The following EXPH5 variants were observed in gnomAD, a reference collection of about 807,000 sequenced individuals.
EXPH5 encodes exophilin-5.
In EXPH5, 42 loss-of-function variants were observed where a neutral mutation model predicts 41.1. The observed-to-expected ratio is 1.02, with a 90% confidence interval of 0.80 to 1.32. The LOEUF (loss-of-function observed/expected upper bound fraction) is 1.32, where lower values mean the gene tolerates loss of function less well. EXPH5 is among the 40% of genes most tolerant of loss of function. The pLI, the probability that EXPH5 is intolerant of heterozygous loss-of-function variation, is 0.00. For synonymous variants in EXPH5, 798 were observed against 833.5 expected (o/e 0.96, Z 0.73); for missense variants, 2,298 against 2,314.5 (o/e 0.99, Z 0.15).
At chr11:108,592,789 C>T (rs2136131569) in intron 1 of EXPH5, among the ~76,000 whole-genome samples, 1 of 152,356 alleles carries the variant, frequency 6.6e-6, no homozygotes, top group South Asian at 2.1e-4. Context: ...TCCAGCCAAC[C>T]CCGTGTGTCC....
At chr11:108,583,850 T>C (rs147680421) in intron 1 of EXPH5, among the ~76,000 whole-genome samples, 166 of 152,112 alleles carry the variant, frequency 1.1e-3, no homozygotes, top group African/African-American at 3.8e-3. Context: ...GGCATACATA[T>C]TGGAAAGGAA....
intron 1 of EXPH5, among the ~76,000 whole-genome samples, chr11:108,576,863 C>T (rs2094081400): frequency 6.6e-6 from 1 of 152,118 alleles, no homozygotes; most frequent in South Asian, 2.1e-4. Context: ...GCCTTCTAGC[C>T]AAGTCCTTTT....
Position 108,510,160 on chromosome 11 carries a change from G to C in EXPH5, c.5347C>G (p.Leu1783Val). 1.2e-6 allele frequency: 2 copies of C among 1,613,982 alleles called. No individual in the cohort carries two copies. Among genetic ancestry groups the C allele is most frequent in the Non-Finnish European group, 1.7e-6 (2 of 1,180,018 alleles). The change falls in exon 6 of 6, where the codon CTG becomes GTG. Residue 1783 changes from leucine to valine, a missense_variant. Leu to Val is a conservative substitution (Grantham distance 32). Coordinates refer to ENST00000265843, the MANE Select transcript of EXPH5 (RefSeq NM_015065.3). The part of the protein sequence containing the change: ...FLQQQRSASS[L>V]EWEPEPHLYR... The stretch of plus-strand genomic sequence containing the variant: ...AGGTGTGGCTCAGGTTCCCACTCCA[G>C]AGATGAAGCACTCCTTTGTTGCTGC...
At chr11:108,593,809 G>A, upstream of EXPH5, 2 of 1,482,592 alleles carry the variant, frequency 1.3e-6, no homozygotes, top group Non-Finnish European at 1.8e-6. Flanking sequence ...CGTTCCAAGG[G>A]GGCGGGCCCT....
Position 108,509,480 on chromosome 11 carries a change from C to T in EXPH5, c.*57G>A. 6.8e-7 allele frequency: 1 copy of T among 1,473,632 alleles called. No individual in the cohort carries two copies. Among genetic ancestry groups the T allele is most frequent in the East Asian group, 2.3e-5 (1 of 44,124 alleles). The allele number at this position is 1,473,632 out of a possible 1,614,324, so 91.3% of individuals were successfully genotyped here. The stretch of plus-strand genomic sequence containing the variant: ...CCTTCCATGCACATGCACATGTACA[C>T]CTTAGTTCCATTATAAGCTTTTGGT... On this transcript the variant is annotated 3_prime_UTR_variant, in exon 6 of 6. Transcript: ENST00000265843.
upstream of EXPH5, among the ~76,000 whole-genome samples, chr11:108,598,332 T>C (rs567781837): frequency 9.8e-5 from 15 of 152,302 alleles, no homozygotes; most frequent in South Asian, 3.1e-3. Flanking sequence ...GCCCAGATAA[T>C]GGGCTTAGTT....
At chr11:108,529,493 T>C (rs1362422460) in intron 3 of EXPH5, among the ~76,000 whole-genome samples, 1 of 152,194 alleles carries the variant, frequency 6.6e-6, no homozygotes, top group African/African-American at 2.4e-5. Flanking sequence ...CCACTGCGTC[T>C]GGCATAATCT....
At position 108,511,970 on chromosome 11, in the gene EXPH5, T is replaced by C; in HGVS notation, c.3537A>G (p.Gln1179=). 4 of 1,599,902 alleles carry C rather than the reference T, an allele frequency of 2.5e-6. No homozygotes were observed. The highest frequency in any genetic ancestry group is 2.2e-5 in the East Asian group (1 of 44,846). ...SVRDCSLTKR[Q]HQKENFQEYT... ...ATTCTTGGAAGTTTTCCTTTTGGTG[T>C]TGTCTTTTGGTTAAAGAACAATCTC... Residue 1179 remains glutamine, a synonymous_variant, in exon 6 of 6, where the codon CAA becomes CAG. Transcript: ENST00000265843.
At chr11:108,543,255 C>T (rs2093922082) in intron 1 of EXPH5, among the ~76,000 whole-genome samples, 1 of 152,206 alleles carries the variant, frequency 6.6e-6, no homozygotes, top group East Asian at 1.9e-4. Context: ...AATGAAAATG[C>T]TGCTTTAAGT....
At chr11:108,604,611 T>C in the EXPH5 span, among the ~76,000 whole-genome samples, 2 of 152,056 alleles carry the variant, frequency 1.3e-5, no homozygotes, top group African/African-American at 4.8e-5. Context: ...AGTGTCCTGG[T>C]TTATAGATGA....
At chr11:108,533,132 G>A (rs2093854420) in intron 3 of EXPH5, among the ~76,000 whole-genome samples, 1 of 152,106 alleles carries the variant, frequency 6.6e-6, no homozygotes, top group South Asian at 2.1e-4. Context: ...CCCAGTCAGA[G>A]TGGAAATTTC....
chr11:108,525,812 G>A (rs574872395), intron 4 of EXPH5, among the ~76,000 whole-genome samples: 46 of 151,970 alleles, frequency 3.0e-4, no homozygotes, highest in Non-Finnish European at 5.6e-4. Flanking sequence ...AAATCTACAC[G>A]TCATGCAGAA....
chr11:108,599,678 T>A, the EXPH5 span, among the ~76,000 whole-genome samples: 1 of 152,256 alleles, frequency 6.6e-6, no homozygotes. Flanking sequence ...CAATTCTACC[T>A]ACTTCCATGT....
Position 108,509,381 on chromosome 11 carries a change from AT to A in EXPH5, c.*155del, listed in dbSNP as rs1333993690. 4 of 588,440 alleles carry A rather than the reference AT, an allele frequency of 6.8e-6. No individual in the cohort carries two copies. The East Asian group carries it at 1.1e-4, about 16-fold the overall frequency. The allele number at this position is 588,440 out of a possible 1,614,324, so 36.5% of individuals were successfully genotyped here. A position where few individuals can be genotyped will look rare whatever the true frequency, so the allele number is the denominator to read the frequency against. On this transcript the variant is annotated 3_prime_UTR_variant, in exon 6 of 6. Coordinates refer to ENST00000265843, the MANE Select transcript of EXPH5 (RefSeq NM_015065.3). ...TTGTTCTAGCATTCAGGAAGTGTCT[AT>A]ATAGGGTGTGGAGGAAAAAAAAGGA...
At chr11:108,596,969 GCAACCT>G (rs573691595), upstream of EXPH5, among the ~76,000 whole-genome samples, 6 of 152,236 alleles carry the variant, frequency 3.9e-5, no homozygotes, top group East Asian at 1.2e-3. Context: ...GGTAATCCTG[GCAACCT>G]TTTGCCCAGG....
chr11:108,509,815 A>G lies in EXPH5; in HGVS notation c.5692T>C (p.Leu1898=), dbSNP rs2135897764. Residue 1898 remains leucine (L), a synonymous_variant, in exon 6 of 6, where the codon TTA becomes CTA. Coordinates refer to ENST00000265843, the MANE Select transcript of EXPH5 (RefSeq NM_015065.3). ...IFGKEQQLAF[L]ENVKRSLTQG... is the part of the protein sequence containing the mutation. ...GTAAGTGACCTCTTTACATTTTCTA[A>G]GAAAGCTAACTGTTGTTCTTTCCCA... 6.2e-7 allele frequency: 1 copy of G among 1,613,608 alleles called. No individual in the cohort carries two copies. The highest frequency in any genetic ancestry group is 8.5e-7 in the Non-Finnish European group (1 of 1,179,878).
At chr11:108,558,656 G>C (rs191805831) in intron 1 of EXPH5, among the ~76,000 whole-genome samples, 62 of 152,320 alleles carry the variant, frequency 4.1e-4, no homozygotes, top group Admixed American at 3.3e-3. Flanking sequence ...AACAGAAAAG[G>C]ACACATGATT....
intron 3 of EXPH5, among the ~76,000 whole-genome samples, chr11:108,536,790 A>C (rs1233527071): frequency 1.3e-5 from 2 of 152,168 alleles, no homozygotes; most frequent in Non-Finnish European, 2.9e-5. Context: ...GAGAGAAGAA[A>C]AGTTTCTGAT....
chr11:108,530,711 C>T (rs954020660), intron 3 of EXPH5, among the ~76,000 whole-genome samples: 10 of 152,154 alleles, frequency 6.6e-5, no homozygotes, highest in African/African-American at 2.4e-4. Flanking sequence ...GCAGCAGGAG[C>T]AGGTTTCTGA....
Sources: allele counts gnomAD v4.1 joint callset (sites outside exome capture counted in the v4.1 genomes callset), GRCh38; gene constraint gnomAD v4.1.1; transcripts MANE v1.5; gene names NCBI Gene and HGNC (gene_info 2026-07-23, HGNC 2026-07-21).